The following PPARGC1A variants were observed in gnomAD, a reference collection of about 807,000 sequenced individuals.
PPARGC1A encodes PPARG coactivator 1 alpha.
A neutral mutation model predicts 88.7 loss-of-function variants in PPARGC1A; 25 were observed. That is an observed-to-expected ratio of 0.28 (90% CI 0.21 to 0.39). The LOEUF (loss-of-function observed/expected upper bound fraction) is 0.39, where lower values mean the gene tolerates loss of function less well. Ranked by LOEUF, PPARGC1A falls within the 10% of genes least tolerant of loss-of-function variation. The probability of loss-of-function intolerance (pLI) is 1.00; values close to 1 mark genes in which losing one functional copy is unlikely to be tolerated. For synonymous variants in PPARGC1A, 363 were observed against 355.6 expected, an observed-to-expected ratio of 1.02 and a Z score of -0.24; for missense variants, 880 against 968.7, an observed-to-expected ratio of 0.91 and a Z score of 1.22.
At chr4:23,954,138 A>C in the PPARGC1A span, among the ~76,000 whole-genome samples, 6 of 151,966 alleles carry the variant, frequency 3.9e-5, no homozygotes, top group Non-Finnish European at 8.8e-5. Context: ...ACATTCTCAC[A>C]TTTTTAATAG....
chr4:24,161,916 C>G, the PPARGC1A span, among the ~76,000 whole-genome samples: 1 of 150,764 alleles, frequency 6.6e-6, no homozygotes, highest in Non-Finnish European at 1.5e-5. Flanking sequence ...AATACGGAAC[C>G]AGCCCAAATG....
chr4:23,799,327 C>A (rs186900310), intron 12 of PPARGC1A, among the ~76,000 whole-genome samples: 5 of 152,212 alleles, frequency 3.3e-5, no homozygotes, highest in African/African-American at 1.2e-4. Context: ...AAATTATAAC[C>A]ATAGCCACTA....
the PPARGC1A span, among the ~76,000 whole-genome samples, chr4:24,026,060 A>G: frequency 6.6e-6 from 1 of 152,226 alleles, no homozygotes; most frequent in Admixed American, 6.5e-5. Context: ...AGTTGCCAAC[A>G]TTTAAAATTA....
the PPARGC1A span, among the ~76,000 whole-genome samples, chr4:24,164,207 CAGAA>C: frequency 6.6e-6 from 1 of 152,110 alleles, no homozygotes; most frequent in African/African-American, 2.4e-5. Context: ...GAGCTCCATG[CAGAA>C]AGAAAGGAAG....
chr4:24,299,591 AC>A, the PPARGC1A span, among the ~76,000 whole-genome samples: 751 of 152,242 alleles, frequency 4.9e-3, 7 homozygotes, highest in Non-Finnish European at 7.8e-3. Context: ...ATTGTGAGCT[AC>A]CTCAGTCTTT....
chr4:24,437,420 G>T, the PPARGC1A span, among the ~76,000 whole-genome samples: 3 of 152,146 alleles, frequency 2.0e-5, no homozygotes, highest in Admixed American at 1.3e-4. Flanking sequence ...GGAACGGGGG[G>T]TCCTAGGGCT....
At chr4:24,146,909 G>C in the PPARGC1A span, among the ~76,000 whole-genome samples, 1 of 152,076 alleles carries the variant, frequency 6.6e-6, no homozygotes, top group Non-Finnish European at 1.5e-5. Context: ...TATTTGTATT[G>C]CCTGTCTCCC....
chr4:24,046,839 T>C, the PPARGC1A span, among the ~76,000 whole-genome samples: 1 of 152,146 alleles, frequency 6.6e-6, no homozygotes, highest in African/African-American at 2.4e-5. Context: ...TCTGTCCCCA[T>C]ATCTGCCACT....
the PPARGC1A span, among the ~76,000 whole-genome samples, chr4:24,074,731 G>A: frequency 6.6e-6 from 1 of 152,052 alleles, no homozygotes; most frequent in African/African-American, 2.4e-5. Flanking sequence ...GAAAACATTT[G>A]CCCCATGTGG....
the PPARGC1A span, among the ~76,000 whole-genome samples, chr4:24,042,002 G>A: frequency 1.5e-4 from 22 of 151,630 alleles, no homozygotes; most frequent in Middle Eastern, 6.8e-3. Context: ...ACTTCTTTCC[G>A]TATTTCTCAT....
chr4:23,950,732 G>A, the PPARGC1A span, among the ~76,000 whole-genome samples: 7 of 152,074 alleles, frequency 4.6e-5, no homozygotes, highest in Admixed American at 2.6e-4. Context: ...AGTGATAATC[G>A]TGGTTAGTTC....
chr4:24,162,220 G>A, the PPARGC1A span, among the ~76,000 whole-genome samples: 1 of 152,084 alleles, frequency 6.6e-6, no homozygotes, highest in African/African-American at 2.4e-5. Flanking sequence ...GGGAGGAAAG[G>A]GTGGGAAGGG....
At chr4:24,276,896 T>C in the PPARGC1A span, among the ~76,000 whole-genome samples, 2 of 152,066 alleles carry the variant, frequency 1.3e-5, no homozygotes, top group African/African-American at 4.8e-5. Context: ...GAGTCTAGGA[T>C]CACATATAAC....
the PPARGC1A span, among the ~76,000 whole-genome samples, chr4:23,967,895 G>A: frequency 6.6e-6 from 1 of 152,116 alleles, no homozygotes; most frequent in African/African-American, 2.4e-5. Context: ...CTTAGAGGTG[G>A]GGAATAGTGT....
At chr4:23,845,781 A>G (rs778593474) in intron 2 of PPARGC1A, among the ~76,000 whole-genome samples, 2 of 152,224 alleles carry the variant, frequency 1.3e-5, no homozygotes, top group Non-Finnish European at 2.9e-5. Flanking sequence ...CATCTTCTCA[A>G]TGACTTTATA....
the PPARGC1A span, among the ~76,000 whole-genome samples, chr4:24,082,694 C>T: frequency 2.4e-3 from 366 of 152,170 alleles, 2 homozygotes; most frequent in Non-Finnish European, 3.2e-3. Context: ...CTGTTGCCCT[C>T]GACCTTTTAA....
At chr4:24,194,605 GGCACACACGC>G in the PPARGC1A span, among the ~76,000 whole-genome samples, 2 of 114,566 alleles carry the variant, frequency 1.7e-5, no homozygotes, top group African/African-American at 2.8e-5. Context: ...CCAGTGGGCT[GGCACACACGC>G]GCGCGCACGC....
chr4:24,286,734 CA>C, the PPARGC1A span, among the ~76,000 whole-genome samples: 1 of 152,216 alleles, frequency 6.6e-6, no homozygotes, highest in Non-Finnish European at 1.5e-5. Context: ...CAAACTTTGG[CA>C]GCTTAAAATA....
the PPARGC1A span, among the ~76,000 whole-genome samples, chr4:24,266,370 T>C: frequency 6.6e-6 from 1 of 152,136 alleles, no homozygotes; most frequent in Non-Finnish European, 1.5e-5. Context: ...ATGCAGATGA[T>C]GCAGGTGGAA....
Sources: gnomAD v4.1 joint callset for allele counts (sites outside exome capture counted in the v4.1 genomes callset) on GRCh38, gnomAD v4.1.1 for gene constraint, MANE v1.5 for transcripts, NCBI Gene and HGNC (gene_info 2026-07-23, HGNC 2026-07-21) for gene names.